DCBLD2: variants seen among roughly 807,000 people sequenced by gnomAD.
The protein encoded by DCBLD2 is discoidin, CUB and LCCL domain containing 2.
Under a neutral mutation model 86.8 loss-of-function variants are expected in DCBLD2, and 54 were observed. The observed-to-expected ratio is 0.62, with a 90% confidence interval of 0.50 to 0.78. DCBLD2 has a LOEUF of 0.78. Ranked by LOEUF, DCBLD2 falls within the 30% of genes least tolerant of loss-of-function variation. The probability of loss-of-function intolerance (pLI) is 0.00; values close to 1 mark genes in which losing one functional copy is unlikely to be tolerated. For synonymous variants in DCBLD2, 354 were observed against 341.3 expected (o/e 1.04, Z -0.41); for missense variants, 908 against 954.2 (o/e 0.95, Z 0.64).
rs2107413496 is a variant in DCBLD2 at position 98,799,255 on chromosome 3, T to G, written c.*117A>C. The G allele has an allele frequency of 1.7e-6, 2 of 1,156,834 alleles. No homozygotes were observed. Among genetic ancestry groups the G allele is most frequent in the East Asian group, 5.0e-5 (2 of 40,128 alleles). The allele number at this position is 1,156,834 out of a possible 1,614,324, so 71.7% of individuals were successfully genotyped here. On this transcript the variant is annotated 3_prime_UTR_variant, in exon 16 of 16. Coordinates refer to ENST00000326840, the MANE Select transcript of DCBLD2 (RefSeq NM_080927.4). Reference sequence around the variant, plus strand: ...TTTCCTGTACCTCAGTCACCACATTTTCCCCAACCACTTCAGTGACAGTTA... The same window carrying G: ...TTTCCTGTACCTCAGTCACCACATTGTCCCCAACCACTTCAGTGACAGTTA...
chr3:98,796,134 C>T lies in DCBLD2; in HGVS notation c.*3238G>A, dbSNP rs946538587. On this transcript the variant is annotated 3_prime_UTR_variant, in exon 16 of 16. Transcript: ENST00000326840. Reference sequence around the variant, plus strand: ...AATACTGAGTGACTACAGTACATGCCGAGGTAAGATAAGTACATTCTGGGA... The same window carrying T: ...AATACTGAGTGACTACAGTACATGCTGAGGTAAGATAAGTACATTCTGGGA... 2.0e-5 allele frequency: 3 copies of T among 152,442 alleles called. No homozygotes were observed. The highest frequency in any genetic ancestry group is 2.9e-5 in the Non-Finnish European group (2 of 68,006). The allele number at this position is 152,442 out of a possible 1,614,324, so 9.4% of individuals were successfully genotyped here. A position where few individuals can be genotyped will look rare whatever the true frequency, so the allele number is the denominator to read the frequency against.
At chr3:98,808,459 T>TA (rs1941880304) in intron 12 of DCBLD2, among the ~76,000 whole-genome samples, 1 of 152,140 alleles carries the variant, frequency 6.6e-6, no homozygotes, top group South Asian at 2.1e-4. Context: ...ATTGGGAAAA[T>TA]ATATTTTCTA....
chr3:98,831,845 T>C (rs1942329683), intron 3 of DCBLD2, among the ~76,000 whole-genome samples: 1 of 152,170 alleles, frequency 6.6e-6, no homozygotes, highest in South Asian at 2.1e-4. Context: ...CATCTGCTGA[T>C]TGCTTTATGT....
chr3:98,839,162 T>C (rs1436697844), intron 3 of DCBLD2, among the ~76,000 whole-genome samples: 1 of 85,474 alleles, frequency 1.2e-5, no homozygotes, highest in Non-Finnish European at 2.5e-5. Context: ...TTTCTTTCTT[T>C]CTTTCTTTCC....
intron 3 of DCBLD2, among the ~76,000 whole-genome samples, chr3:98,825,744 CCA>C (rs1444654410): frequency 7.0e-6 from 1 of 142,688 alleles, no homozygotes; most frequent in Non-Finnish European, 1.5e-5. Flanking sequence ...ATACAGCTAC[CCA>C]CACACAGAAA....
chr3:98,863,711 C>A (rs375403344), intron 2 of DCBLD2, among the ~76,000 whole-genome samples: 1 of 152,122 alleles, frequency 6.6e-6, no homozygotes, highest in Admixed American at 6.5e-5. Context: ...CAAAAATTAA[C>A]TCAAGATGGA....
At chr3:98,854,414 T>C (rs1576183106) in intron 2 of DCBLD2, among the ~76,000 whole-genome samples, 1 of 152,306 alleles carries the variant, frequency 6.6e-6, no homozygotes, top group East Asian at 1.9e-4. Flanking sequence ...TAATCATTTC[T>C]CTTATACTGT....
chr3:98,868,011 G>T (rs1043291231), intron 2 of DCBLD2, among the ~76,000 whole-genome samples: 1 of 151,924 alleles, frequency 6.6e-6, no homozygotes, highest in Non-Finnish European at 1.5e-5. Context: ...CACCTTGTTA[G>T]CCAGGATGGT....
intron 1 of DCBLD2, among the ~76,000 whole-genome samples, chr3:98,897,498 T>G (rs1285461413): frequency 6.6e-6 from 1 of 152,068 alleles, no homozygotes; most frequent in Non-Finnish European, 1.5e-5. Flanking sequence ...ATGTGAAAAA[T>G]AATTACAAAT....
intron 3 of DCBLD2, among the ~76,000 whole-genome samples, chr3:98,843,723 A>G (rs1053209341): frequency 1.3e-5 from 2 of 152,184 alleles, no homozygotes; most frequent in African/African-American, 4.8e-5. Context: ...TTAAATGGGA[A>G]TATTTTCCAG....
intron 5 of DCBLD2, 46 bp from the exon 6 acceptor site, chr3:98,822,407 T>C: frequency 6.3e-7 from 1 of 1,583,044 alleles, no homozygotes; most frequent in Non-Finnish European, 8.6e-7. Context: ...TTTCTCTTAA[T>C]AATTCATAAA....
At chr3:98,901,086 G>A (rs1277502535) in intron 1 of DCBLD2, 36 bp downstream of exon 1, 2 of 1,537,334 alleles carry the variant, frequency 1.3e-6, no homozygotes, top group Non-Finnish European at 1.7e-6. Flanking sequence ...CCCCGACGGA[G>A]GTTCCCCCGC....
chr3:98,888,499 A>G (rs1213833816), intron 1 of DCBLD2, among the ~76,000 whole-genome samples: 1 of 152,044 alleles, frequency 6.6e-6, no homozygotes, highest in African/African-American at 2.4e-5. Context: ...TGCCAGGGGT[A>G]AAATGGGAAT....
intron 2 of DCBLD2, among the ~76,000 whole-genome samples, chr3:98,853,044 G>GC (rs35394117): frequency 0.071 from 10,797 of 152,250 alleles, 470 homozygotes; most frequent in African/African-American, 0.097. Context: ...GTTTTAAGTT[G>GC]TAGGCTTGTG....
intron 3 of DCBLD2, among the ~76,000 whole-genome samples, chr3:98,839,785 T>C (rs1488039501): frequency 2.6e-5 from 4 of 152,162 alleles, no homozygotes; most frequent in Non-Finnish European, 5.9e-5. Flanking sequence ...AAATACTGTG[T>C]TAGAATGTGT....
chr3:98,842,875 A>G (rs1942646176), intron 3 of DCBLD2, among the ~76,000 whole-genome samples: 1 of 152,226 alleles, frequency 6.6e-6, no homozygotes, highest in African/African-American at 2.4e-5. Flanking sequence ...ATACATTAGT[A>G]TTTATCAACA....
intron 2 of DCBLD2, among the ~76,000 whole-genome samples, chr3:98,866,173 TG>T (rs1206379456): frequency 2.0e-5 from 3 of 152,002 alleles, no homozygotes; most frequent in Non-Finnish European, 2.9e-5. Flanking sequence ...TAAACAGACG[TG>T]TGCATGTGTC....
chr3:98,820,094 C>G (rs897832186), intron 7 of DCBLD2, among the ~76,000 whole-genome samples, 154 bp downstream of exon 7: 6 of 152,290 alleles, frequency 3.9e-5, no homozygotes, highest in African/African-American at 1.2e-4. Flanking sequence ...TCAATTTGCT[C>G]TATTCATTAT....
At chr3:98,867,141 GA>G (rs1943162777) in intron 2 of DCBLD2, among the ~76,000 whole-genome samples, 1 of 152,224 alleles carries the variant, frequency 6.6e-6, no homozygotes, top group Non-Finnish European at 1.5e-5. Context: ...CAGGTAGCCT[GA>G]TGCCTCCCGC....
Sources: gnomAD v4.1 joint callset for allele counts (sites outside exome capture counted in the v4.1 genomes callset) on GRCh38, gnomAD v4.1.1 for gene constraint, MANE v1.5 for transcripts, NCBI Gene and HGNC (gene_info 2026-07-23, HGNC 2026-07-21) for gene names.